Variants in CEP78 observed in about 807,000 individuals in gnomAD.
CEP78 encodes the protein centrosomal protein of 78 kDa.
Under a neutral mutation model 81.2 loss-of-function variants are expected in CEP78, and 76 were observed. The observed-to-expected ratio is 0.94, with a 90% confidence interval of 0.78 to 1.13. The LOEUF (loss-of-function observed/expected upper bound fraction) is 1.13. CEP78 is among the 50% of genes most tolerant of loss of function. The pLI, the probability that CEP78 is intolerant of heterozygous loss-of-function variation, is 0.00. For synonymous variants in CEP78, 293 were observed against 301.4 expected (o/e 0.97, Z 0.29); for missense variants, 918 against 846.8 (o/e 1.08, Z -1.04).
chr9:78,241,111 G>A (rs973765051), intron 3 of CEP78, among the ~76,000 whole-genome samples: 1 of 152,198 alleles, frequency 6.6e-6, no homozygotes, highest in Non-Finnish European at 1.5e-5. Flanking sequence ...GGAAAGGGTT[G>A]GGATCATGGA....
intron 8 of CEP78, among the ~76,000 whole-genome samples, chr9:78,251,579 T>C (rs1826761184): frequency 6.6e-6 from 1 of 152,122 alleles, no homozygotes; most frequent in African/African-American, 2.4e-5. Flanking sequence ...AATCTTTCAT[T>C]CTTTGGGTTA....
intron 15 of CEP78, 95 bp from the exon 16 acceptor site, chr9:78,266,347 T>G: frequency 2.1e-6 from 2 of 950,156 alleles, no homozygotes; most frequent in East Asian, 2.5e-5. Context: ...CCTGGAAATC[T>G]TCTAAGATCA....
intron 6 of CEP78, among the ~76,000 whole-genome samples, chr9:78,247,143 C>T (rs1826529875): frequency 6.6e-6 from 1 of 152,324 alleles, no homozygotes; most frequent in Non-Finnish European, 1.5e-5. Context: ...ACTAAACATA[C>T]AGCAGTAAAC....
At chr9:78,259,605 T>C (rs989901246) in intron 11 of CEP78, among the ~76,000 whole-genome samples, 6 of 152,236 alleles carry the variant, frequency 3.9e-5, no homozygotes, top group African/African-American at 1.4e-4. Context: ...TTATTCATTT[T>C]GCGTTGATCA....
chr9:78,248,265 T>A, intron 6 of CEP78, 26 bp from the exon 7 acceptor site: 1 of 1,283,450 alleles, frequency 7.8e-7, no homozygotes, highest in Non-Finnish European at 1.1e-6. Context: ...ATAATTACTA[T>A]AATTTCAATT....
chr9:78,236,704 G>C, intron 1 of CEP78, 101 bp downstream of exon 1: 3 of 1,425,222 alleles, frequency 2.1e-6, no homozygotes, highest in Non-Finnish European at 2.8e-6. Flanking sequence ...TAGAAGGGGT[G>C]TGCGGCCTGG....
rs1203684987 is a variant in CEP78, at chr9:78,248,864, A to C, written c.1060A>C (p.Ile354Leu). 1 of 1,548,932 alleles carries C rather than the reference A, an allele frequency of 6.5e-7. No individual in the cohort carries two copies. The highest frequency in any genetic ancestry group is 8.8e-7 in the Non-Finnish European group (1 of 1,133,078). The stretch of plus-strand genomic sequence containing the variant: ...AAGTGGTCACAAAGGAAAAGCTACT[A>C]TTAGAATTGGTAACCTTTTCTGTCT... ...LGSGHKGKAT[I>L]RIGLATKKPV... Residue 354 changes from isoleucine (I) to leucine (L), a missense_variant, in exon 8 of 17, where the codon ATT becomes CTT. Coordinates refer to ENST00000643273, the MANE Select transcript of CEP78 (RefSeq NM_001330691.3).
intron 15 of CEP78, 109 bp downstream of exon 15, chr9:78,266,015 C>T: frequency 1.6e-6 from 1 of 640,888 alleles, no homozygotes; most frequent in Non-Finnish European, 2.9e-6. Context: ...AACCTGTCTG[C>T]CACAGGAGTC....
In CEP78 at chr9:78,236,493, A is replaced by G; in HGVS notation, c.143A>G (p.Asp48Gly). The G allele has an allele frequency of 6.2e-7, 1 of 1,606,834 alleles. No individual in the cohort carries two copies. Among genetic ancestry groups the G allele is most frequent in the South Asian group, 1.1e-5 (1 of 89,622 alleles). The part of the protein sequence containing the change: ...LREGVLDFNA[D>G]RLRGVDWAPL... ...GAGGGCGTGCTGGATTTCAACGCCG[A>G]CCGCCTCCGCGGGGTGGACTGGGCG... is the stretch of plus-strand genomic sequence containing the variant. Residue 48 changes from aspartate (D) to glycine (G), a missense_variant, in exon 1 of 17, where the codon GAC becomes GGC. Coordinates refer to ENST00000643273, the MANE Select transcript of CEP78 (RefSeq NM_001330691.3).
chr9:78,257,931 G>T (rs1386603132), intron 11 of CEP78, among the ~76,000 whole-genome samples: 2 of 152,212 alleles, frequency 1.3e-5, no homozygotes, highest in Non-Finnish European at 2.9e-5. Flanking sequence ...CTGTGGCACT[G>T]AAACTGTATA....
Position 78,279,641 on chromosome 9 carries a change from A to G in CEP78, c.*8790A>G, listed in dbSNP as rs995354363. 6 of 152,188 alleles carry G rather than the reference A, an allele frequency of 3.9e-5. No homozygotes were observed. Among genetic ancestry groups the G allele is most frequent in the African/African-American group, 1.4e-4 (6 of 41,440 alleles). The allele number at this position is 152,188 out of a possible 1,614,324, so 9.4% of individuals were successfully genotyped here. On this transcript the variant is annotated 3_prime_UTR_variant, in exon 17 of 17. Coordinates refer to ENST00000643273, the MANE Select transcript of CEP78 (RefSeq NM_001330691.3). The stretch of plus-strand genomic sequence containing the variant: ...ATCTTTCCCACACAAATATTATTCC[A>G]CAAATATTTATTGTCACCAACTATA...
intron 8 of CEP78, among the ~76,000 whole-genome samples, chr9:78,250,792 A>G (rs973034566): frequency 7.9e-5 from 12 of 152,206 alleles, no homozygotes; most frequent in African/African-American, 2.9e-4. Context: ...ACTACAAACA[A>G]TACACAGTAA....
chr9:78,254,436 C>A (rs145693947), intron 10 of CEP78: 1 of 152,388 alleles, frequency 6.6e-6, no homozygotes, highest in Non-Finnish European at 1.5e-5. Flanking sequence ...TAAAAATCGT[C>A]CTGTCTTTAA....
intron 1 of CEP78, among the ~76,000 whole-genome samples, chr9:78,237,821 G>A (rs1826027717): frequency 6.6e-6 from 1 of 151,930 alleles, no homozygotes; most frequent in Non-Finnish European, 1.5e-5. Flanking sequence ...AGAAGGGCTG[G>A]GGCCGGGCAC....
intron 11 of CEP78, among the ~76,000 whole-genome samples, chr9:78,258,812 A>G (rs1255554679): frequency 6.6e-6 from 1 of 152,186 alleles, no homozygotes. Flanking sequence ...ATGAGATGCA[A>G]CTACACTCCT....
chr9:78,271,188 C>A lies in CEP78; in HGVS notation c.*337C>A. 1 of 190,280 alleles carries A rather than the reference C, an allele frequency of 5.3e-6. No individual in the cohort carries two copies. Among genetic ancestry groups the A allele is most frequent in the Non-Finnish European group, 1.1e-5 (1 of 93,912 alleles). 11.8% of individuals were successfully genotyped at this position (190,280 alleles called of 1,614,324 possible). ...ACCTGCCACTTCCGTTTATAATCAC[C>A]ATATAAGTGCCTGTAATCATTTGTG... is the stretch of plus-strand genomic sequence containing the variant. On this transcript the variant is annotated 3_prime_UTR_variant, in exon 17 of 17. Coordinates refer to ENST00000643273, the MANE Select transcript of CEP78 (RefSeq NM_001330691.3).
intron 10 of CEP78, chr9:78,254,605 T>C (rs1826925678): frequency 1.1e-5 from 2 of 189,102 alleles, no homozygotes; most frequent in Non-Finnish European, 2.2e-5. Context: ...AAAAAAAATA[T>C]GGGCGATTCC....
intron 14 of CEP78, 29 bp downstream of exon 14, chr9:78,265,572 T>C: frequency 6.5e-7 from 1 of 1,529,860 alleles, no homozygotes; most frequent in Non-Finnish European, 8.8e-7. Context: ...ACTTAGTGAT[T>C]CTACAAGTGA....
intron 4 of CEP78, among the ~76,000 whole-genome samples, chr9:78,243,079 G>A (rs1170648650): frequency 6.6e-6 from 1 of 152,130 alleles, no homozygotes; most frequent in African/African-American, 2.4e-5. Flanking sequence ...GGGATGTCCA[G>A]TCAAGTGTTT....
Sources: gnomAD v4.1 joint callset for allele counts (sites outside exome capture counted in the v4.1 genomes callset) on GRCh38, gnomAD v4.1.1 for gene constraint, MANE v1.5 for transcripts, NCBI Gene and HGNC (gene_info 2026-07-23, HGNC 2026-07-21) for gene names.